The following PARVA variants were observed in gnomAD, a reference collection of about 807,000 sequenced individuals.
The protein encoded by PARVA is parvin alpha.
A neutral mutation model predicts 52.6 loss-of-function variants in PARVA; 25 were observed. The ratio of observed to expected loss-of-function variants is 0.48; its 90% CI spans 0.35 to 0.66. PARVA has a LOEUF of 0.66. Among genes scored for constraint, PARVA ranks in the 30% least tolerant of loss-of-function variants. PARVA has a pLI of 0.01. For synonymous variants in PARVA, 185 were observed against 179.1 expected, an observed-to-expected ratio of 1.03 and a Z score of -0.26; for missense variants, 373 against 450.9, an observed-to-expected ratio of 0.83 and a Z score of 1.56.
At chr11:12,431,412 G>A (rs1940314872) in intron 1 of PARVA, among the ~76,000 whole-genome samples, 1 of 152,314 alleles carries the variant, frequency 6.6e-6, no homozygotes, top group Admixed American at 6.5e-5. Context: ...GGCCCACCAC[G>A]TGGCTGTGGG....
At chr11:12,430,339 C>T (rs1008746199) in intron 1 of PARVA, among the ~76,000 whole-genome samples, 1 of 152,168 alleles carries the variant, frequency 6.6e-6, no homozygotes, top group South Asian at 2.1e-4. Flanking sequence ...TTAATAATAA[C>T]TGTATTTAAC....
At chr11:12,516,848 G>C (rs1026943561) in intron 10 of PARVA, among the ~76,000 whole-genome samples, 1 of 152,208 alleles carries the variant, frequency 6.6e-6, no homozygotes, top group Non-Finnish European at 1.5e-5. Context: ...TGAGTACAGA[G>C]AAGTGACATA....
intron 1 of PARVA, among the ~76,000 whole-genome samples, chr11:12,448,724 T>A (rs1354806451): frequency 6.6e-6 from 1 of 152,208 alleles, no homozygotes; most frequent in African/African-American, 2.4e-5. Context: ...GGTCAGCTGG[T>A]CCCTGTCATG....
chr11:12,493,021 T>C lies in PARVA; in HGVS notation c.401-3437T>C, dbSNP rs796172347. On this transcript the variant is annotated intron_variant, in intron 4 of 12. Coordinates refer to ENST00000334956, the MANE Select transcript of PARVA (RefSeq NM_018222.5). ...ATATATATGAGTGGAAAAAAGCCAA[T>C]AGCAAAAATATATATATACTATAAT... is the stretch of plus-strand genomic sequence containing the variant. 6.8e-4 allele frequency among the ~76,000 whole-genome samples: 103 copies of C among 152,114 alleles called. 1 individual carries two copies. The highest frequency in any genetic ancestry group is 2.4e-3 in the African/African-American group (100 of 41,510).
chr11:12,501,300 A>G (rs1186309313), intron 5 of PARVA, among the ~76,000 whole-genome samples: 4 of 151,850 alleles, frequency 2.6e-5, no homozygotes, highest in African/African-American at 9.7e-5. Context: ...ACATATACAC[A>G]TGTGTATATA....
rs1941815847 is a variant in PARVA, at chr11:12,534,834, T to C, written c.*6909T>C. Among the ~76,000 whole-genome samples, 1 of 152,186 alleles carries C rather than the reference T, an allele frequency of 6.6e-6. No homozygotes were observed. Among genetic ancestry groups the C allele is most frequent in the South Asian group, 2.1e-4 (1 of 4,832 alleles). On this transcript the variant is annotated 3_prime_UTR_variant, in exon 13 of 13. Transcript: ENST00000334956. ...AAACACAGTGCCTGCCCTTGGCAAA[T>C]ATATGTTGGTGTATCTGAAAAACAG...
intron 5 of PARVA, 66 bp from the exon 6 acceptor site, chr11:12,504,248 C>T (rs915576644): frequency 2.3e-6 from 2 of 874,486 alleles, no homozygotes; most frequent in East Asian, 5.1e-5. Context: ...ACACTTTGAA[C>T]ATCTGCTTAT....
chr11:12,435,784 G>GT (rs146675862), intron 1 of PARVA, among the ~76,000 whole-genome samples: 8,054 of 152,022 alleles, frequency 0.053, 408 homozygotes, highest in Admixed American at 0.16. Context: ...CTATATCTCT[G>GT]TTTTTTTGTT....
intron 1 of PARVA, among the ~76,000 whole-genome samples, chr11:12,391,728 C>T (rs967579921): frequency 1.3e-5 from 2 of 152,136 alleles, no homozygotes; most frequent in East Asian, 1.9e-4. Flanking sequence ...AGAAATGGAC[C>T]GGATTTTAAC....
intron 1 of PARVA, among the ~76,000 whole-genome samples, chr11:12,469,685 C>A (rs1321652175): frequency 1.3e-5 from 2 of 152,198 alleles, no homozygotes; most frequent in Non-Finnish European, 2.9e-5. Flanking sequence ...GGCTCAGAGT[C>A]AGCAGTTAAT....
intron 4 of PARVA, among the ~76,000 whole-genome samples, chr11:12,486,823 A>G (rs1941165658): frequency 6.6e-6 from 1 of 152,170 alleles, no homozygotes; most frequent in Non-Finnish European, 1.5e-5. Flanking sequence ...TCCAGCCTGG[A>G]AGACAAAGTG....
At chr11:12,445,454 T>TG (rs1025433537) in intron 1 of PARVA, among the ~76,000 whole-genome samples, 7 of 152,218 alleles carry the variant, frequency 4.6e-5, no homozygotes, top group South Asian at 2.1e-4. Flanking sequence ...CCAGATTTCT[T>TG]GGGGTACTTC....
intron 4 of PARVA, among the ~76,000 whole-genome samples, chr11:12,492,729 C>T (rs528841066): frequency 2.0e-5 from 3 of 152,078 alleles, no homozygotes; most frequent in East Asian, 1.9e-4. Context: ...AGACTCAAAC[C>T]GCAATAGGAC....
At chr11:12,521,072 A>T (rs1235967916) in intron 12 of PARVA, among the ~76,000 whole-genome samples, 1 of 152,212 alleles carries the variant, frequency 6.6e-6, no homozygotes, top group Non-Finnish European at 1.5e-5. Context: ...ATCATCAATT[A>T]TGGTTAAGAC....
At chr11:12,502,479 G>A (rs1017898157) in intron 5 of PARVA, among the ~76,000 whole-genome samples, 15 of 151,936 alleles carry the variant, frequency 9.9e-5, no homozygotes, top group African/African-American at 3.6e-4. Flanking sequence ...GACTGTGAAG[G>A]CAGGCAAAAT....
chr11:12,399,268 T>G (rs745625482), intron 1 of PARVA, among the ~76,000 whole-genome samples: 1 of 152,240 alleles, frequency 6.6e-6, no homozygotes, highest in African/African-American at 2.4e-5. Context: ...TTATAAAAAA[T>G]TTTGAACATA....
chr11:12,507,985 T>TGGATGGATGGAC (rs1941453205), intron 6 of PARVA, among the ~76,000 whole-genome samples: 1 of 150,744 alleles, frequency 6.6e-6, no homozygotes, highest in African/African-American at 2.4e-5. Context: ...GATGGATGGA[T>TGGATGGATGGAC]GGATGGACGG....
At chr11:12,518,603 C>T (rs1056093163) in intron 12 of PARVA, 86 bp downstream of exon 12, 3 of 995,814 alleles carry the variant, frequency 3.0e-6, no homozygotes, top group Non-Finnish European at 4.7e-6. Flanking sequence ...CAGAGGGAAG[C>T]ATTTTCTGAA....
upstream of PARVA, chr11:12,377,534 G>A: frequency 1.4e-6 from 2 of 1,451,564 alleles, no homozygotes; most frequent in African/African-American, 3.0e-5. Flanking sequence ...TCAAATGCTT[G>A]GAATAATTCC....
Sources: allele counts gnomAD v4.1 joint callset (sites outside exome capture counted in the v4.1 genomes callset), GRCh38; gene constraint gnomAD v4.1.1; transcripts MANE v1.5; gene names NCBI Gene and HGNC (gene_info 2026-07-23, HGNC 2026-07-21).